The following CDH13 variants were observed in gnomAD, a reference collection of about 807,000 sequenced individuals.
CDH13 encodes the protein cadherin 13.
Under a neutral mutation model 63.8 loss-of-function variants are expected in CDH13, and 24 were observed. That is an observed-to-expected ratio of 0.38 (90% CI 0.27 to 0.53). CDH13 has a LOEUF of 0.53. Among genes scored for constraint, CDH13 ranks in the 20% least tolerant of loss-of-function variants. The pLI is 0.85. For missense variants in CDH13, 1,049 were observed against 903.1 expected (o/e 1.16, Z -2.07); for synonymous variants, 503 against 355.3 (o/e 1.42, Z -4.67).
At chr16:83,429,880 A>C (rs149828973) in intron 6 of CDH13, among the ~76,000 whole-genome samples, 13 of 152,352 alleles carry the variant, frequency 8.5e-5, no homozygotes, top group African/African-American at 2.9e-4. Flanking sequence ...TCAGCTTGCC[A>C]AAAGCTATCT....
intron 11 of CDH13, among the ~76,000 whole-genome samples, chr16:83,757,362 G>A (rs911037883): frequency 1.3e-5 from 2 of 152,142 alleles, no homozygotes; most frequent in African/African-American, 4.8e-5. Flanking sequence ...TGAATCACCT[G>A]AGGTCAGGAG....
intron 4 of CDH13, among the ~76,000 whole-genome samples, chr16:83,215,233 C>T (rs372383367): frequency 1.3e-5 from 2 of 151,564 alleles, no homozygotes. Context: ...TGCGCCATCA[C>T]GCCCAGCTAA....
intron 6 of CDH13, among the ~76,000 whole-genome samples, chr16:83,441,602 A>G (rs2072481819): frequency 6.6e-6 from 1 of 152,212 alleles, no homozygotes; most frequent in Non-Finnish European, 1.5e-5. Flanking sequence ...AGAGTTGGGC[A>G]GCTTTTGCAA....
chr16:83,262,472 T>A (rs1386127361), intron 5 of CDH13, among the ~76,000 whole-genome samples: 1 of 152,200 alleles, frequency 6.6e-6, no homozygotes, highest in African/African-American at 2.4e-5. Flanking sequence ...TATTATATGG[T>A]GCAGGTGAAG....
intron 6 of CDH13, among the ~76,000 whole-genome samples, chr16:83,369,747 C>T (rs76038394): frequency 0.069 from 10,467 of 152,204 alleles, 472 homozygotes; most frequent in Middle Eastern, 0.17. Flanking sequence ...GATGCCTCTC[C>T]TCTCCATCTG....
At chr16:83,711,920 C>G (rs909238218) in intron 10 of CDH13, among the ~76,000 whole-genome samples, 1 of 152,220 alleles carries the variant, frequency 6.6e-6, no homozygotes, top group East Asian at 1.9e-4. Context: ...AATTTAATTT[C>G]TTACAATTCT....
intron 8 of CDH13, among the ~76,000 whole-genome samples, chr16:83,614,674 G>A (rs1343928863): frequency 6.6e-6 from 1 of 152,086 alleles, no homozygotes; most frequent in Non-Finnish European, 1.5e-5. Flanking sequence ...TTTGAGGGTT[G>A]GTCAGGAAGA....
intron 7 of CDH13, among the ~76,000 whole-genome samples, chr16:83,593,830 G>A (rs898009619): frequency 5.3e-5 from 8 of 152,272 alleles, no homozygotes; most frequent in South Asian, 4.1e-4. Context: ...TCATAGCCAC[G>A]ATAGCCACTA....
At chr16:83,089,477 G>A (rs1350949192) in intron 3 of CDH13, among the ~76,000 whole-genome samples, 1 of 152,162 alleles carries the variant, frequency 6.6e-6, no homozygotes, top group African/African-American at 2.4e-5. Flanking sequence ...TGCCTTGCAG[G>A]CGTCAGGAAT....
rs71146097 is a variant in CDH13, at chr16:82,929,651, CAAAAAAAAAAAAAAAA to C, written c.157+71195_157+71210del. Among the ~76,000 whole-genome samples the C allele has an allele frequency of 9.8e-3, 435 of 44,280 alleles. 17 individuals are homozygous for C. Among genetic ancestry groups the C allele is most frequent in the Non-Finnish European group, 6.9e-3 (208 of 30,176 alleles). 29.0% of individuals were successfully genotyped at this position (44,280 alleles called of 152,430 possible). ...TGGGGGACAGAGTGAGACTCCATCT[CAAAAAAAAAAAAAAAA>C]AAAAAAAAAAAAAAAAGAAGACAGC... On this transcript the variant is annotated intron_variant, in intron 2 of 13. Transcript: ENST00000567109.
intron 2 of CDH13, among the ~76,000 whole-genome samples, chr16:82,871,031 C>T (rs1052629792): frequency 2.6e-5 from 4 of 152,312 alleles, no homozygotes; most frequent in Admixed American, 1.3e-4. Context: ...TTCATGGAGT[C>T]AAATGATGTT....
At chr16:82,698,734 C>T (rs183194786) in intron 1 of CDH13, among the ~76,000 whole-genome samples, 3 of 152,172 alleles carry the variant, frequency 2.0e-5, no homozygotes, top group African/African-American at 7.2e-5. Flanking sequence ...CACAGGGGGG[C>T]GTGAAGAATC....
chr16:83,715,468 G>T (rs1908749545), intron 10 of CDH13, among the ~76,000 whole-genome samples: 1 of 152,172 alleles, frequency 6.6e-6, no homozygotes, highest in Admixed American at 6.6e-5. Context: ...GGATCCTGGG[G>T]CTTGTAAGTA....
chr16:83,735,986 G>A (rs1911502752), intron 10 of CDH13: 1 of 152,084 alleles, frequency 6.6e-6, no homozygotes, highest in Non-Finnish European at 1.5e-5. Flanking sequence ...TGGATGAAGA[G>A]CCTCACACCA....
At chr16:83,646,159 C>A (rs147935895) in intron 8 of CDH13, among the ~76,000 whole-genome samples, 2 of 152,218 alleles carry the variant, frequency 1.3e-5, no homozygotes, top group African/African-American at 2.4e-5. Context: ...TAGACTCAGA[C>A]CAACCGGGGT....
At chr16:83,334,447 C>G (rs1009901349) in intron 5 of CDH13, among the ~76,000 whole-genome samples, 2 of 151,574 alleles carry the variant, frequency 1.3e-5, no homozygotes, top group African/African-American at 4.9e-5. Context: ...TCACAGCTCC[C>G]TGCAGCTTCA....
chr16:83,105,821 T>C (rs2034736102), intron 3 of CDH13, among the ~76,000 whole-genome samples: 2 of 152,318 alleles, frequency 1.3e-5, no homozygotes, highest in South Asian at 2.1e-4. Flanking sequence ...TGTCTGTGTG[T>C]ATCTGTGTTA....
chr16:83,679,228 A>T (rs952227055), intron 10 of CDH13, among the ~76,000 whole-genome samples: 2 of 152,230 alleles, frequency 1.3e-5, no homozygotes, highest in African/African-American at 4.8e-5. Context: ...TCTAATGCTC[A>T]CAAATAAAAG....
intron 6 of CDH13, among the ~76,000 whole-genome samples, chr16:83,399,257 T>C (rs895450920): frequency 1.3e-5 from 2 of 152,230 alleles, no homozygotes; most frequent in Admixed American, 6.5e-5. Flanking sequence ...GTCCTAATAA[T>C]TAGCAGGCTT....
Sources: gnomAD v4.1 joint callset for allele counts (sites outside exome capture counted in the v4.1 genomes callset) on GRCh38, gnomAD v4.1.1 for gene constraint, MANE v1.5 for transcripts, NCBI Gene and HGNC (gene_info 2026-07-23, HGNC 2026-07-21) for gene names.